The following ADAMTSL4 variants were observed in gnomAD, a reference collection of about 807,000 sequenced individuals.
The protein encoded by ADAMTSL4 is ADAMTS like 4.
In ADAMTSL4, 97 loss-of-function variants were observed where a neutral mutation model predicts 122.8. The observed-to-expected ratio is 0.79, with a 90% CI of 0.67 to 0.93. The LOEUF is 0.93. ADAMTSL4 is among the 40% of genes least tolerant of loss of function. ADAMTSL4 has a pLI of 0.00. For synonymous variants in ADAMTSL4, 592 were observed against 568.0 expected, an observed-to-expected ratio of 1.04 and a Z score of -0.60; for missense variants, 1,408 against 1,453.5, an observed-to-expected ratio of 0.97 and a Z score of 0.51.
chr1:150,556,597 C>G lies in ADAMTSL4; in HGVS notation c.1577-24C>G, dbSNP rs199694520. On this transcript the variant is annotated intron_variant, in intron 9 of 18. Coordinates refer to ENST00000271643, the MANE Select transcript of ADAMTSL4 (RefSeq NM_019032.6). The surrounding 1 kb of genome is among the most constrained non-coding windows in gnomAD (Gnocchi z 4.1). The stretch of plus-strand genomic sequence containing the variant: ...AAGGTATTATCACCCTGGAATTTCC[C>G]GATCTCTCACCTCTGACCCGCAGCA... The G allele has an allele frequency of 2.5e-6, 4 of 1,613,846 alleles. No individual in the cohort carries two copies. The highest frequency in any genetic ancestry group is 2.2e-5 in the East Asian group (1 of 44,866).
In ADAMTSL4 at chr1:150,559,392, C is replaced by T; in HGVS notation, c.2869C>T (p.Pro957Ser). ...VTSPSNCSHL[P>S]RPPALQPCQG... ...TTCTCCGAGCAACTGTTCTCACCTC[C>T]CCAGGCCCCCTGCCCTGCAGCCCTG... Residue 957 changes from proline to serine, a missense_variant, in exon 17 of 19, where the codon CCC (proline) becomes TCC (serine). Physicochemically the swap from Pro to Ser is moderately conservative, Grantham distance 74. Transcript: ENST00000271643. The surrounding 1 kb of genome is among the most constrained non-coding windows in gnomAD (Gnocchi z 4.1). 1.2e-6 allele frequency: 2 copies of T among 1,613,774 alleles called. No individual in the cohort carries two copies. Among genetic ancestry groups the T allele is most frequent in the Non-Finnish European group, 1.7e-6 (2 of 1,180,000 alleles).
rs1672109962 is a variant in ADAMTSL4 at position 150,556,317 on chromosome 1, A to G, written c.1527A>G (p.Gly509=). Residue 509 remains glycine (G), a synonymous_variant, in exon 9 of 19, where the codon GGA becomes GGG. Coordinates refer to ENST00000271643, the MANE Select transcript of ADAMTSL4 (RefSeq NM_019032.6). This position sits in a 1 kb window ranked among gnomAD's most constrained non-coding sequence, Gnocchi z 4.1. ...AGAAGATCTTGTGGATTCCAGCGGG[A>G]GCCTTGCGGCTCCAGATTGCCCAGC... The part of the protein sequence containing the change: ...GYQKILWIPA[G]ALRLQIAQLR... 1 of 1,613,906 alleles carries G rather than the reference A, an allele frequency of 6.2e-7. No homozygotes were observed. The highest frequency in any genetic ancestry group is 1.3e-5 in the African/African-American group (1 of 74,962).
In ADAMTSL4 at chr1:150,558,531, A is replaced by C. The variant is rs587711361; in HGVS notation, c.2441A>C (p.Asn814Thr). ...RSRQVRCVGN[N>T]GDEVSEQECA... ...CGGCAGGTTCGCTGTGTTGGGAACA[A>C]TGGTGATGAAGTGAGCGAGCAGGAG... Residue 814 changes from asparagine (N) to threonine (T), a missense_variant, in exon 15 of 19, where the codon AAT becomes ACT. By Grantham distance (65) the Asn-to-Thr change is moderately conservative. Transcript: ENST00000271643. The C allele has an allele frequency of 1.4e-5, 22 of 1,613,856 alleles. No individual in the cohort carries two copies. The highest frequency in any genetic ancestry group is 1.9e-5 in the Non-Finnish European group (22 of 1,179,984).
rs1359107767 is a variant in ADAMTSL4 at position 150,560,425 on chromosome 1, C to T, written c.*229C>T. ...ATATGCCTCAGGTGTGCTTTTGGGA[C>T]TGCATGGATATGTGTGTGCTCAAAC... On this transcript the variant is annotated 3_prime_UTR_variant, in exon 19 of 19. Coordinates refer to ENST00000271643, the MANE Select transcript of ADAMTSL4 (RefSeq NM_019032.6). The T allele has an allele frequency of 1.6e-6, 1 of 630,880 alleles. No homozygotes were observed. The highest frequency in any genetic ancestry group is 2.7e-6 in the Non-Finnish European group (1 of 366,014). The allele number at this position is 630,880 out of a possible 1,614,324, so 39.1% of individuals were successfully genotyped here. A position where few individuals can be genotyped will look rare whatever the true frequency, so the allele number is the denominator to read the frequency against.
chr1:150,554,520 G>A lies in ADAMTSL4; in HGVS notation c.1234+53G>A, dbSNP rs1671804851. ...GTGGTGGCTTGGAATTGGGGATGAA[G>A]GGGAGAGGAGATACCTGCTTACTCC... On this transcript the variant is annotated intron_variant, in intron 7 of 18. Coordinates refer to ENST00000271643, the MANE Select transcript of ADAMTSL4 (RefSeq NM_019032.6). This position sits in a 1 kb window ranked among gnomAD's most constrained non-coding sequence, Gnocchi z 4.0. 6.2e-7 allele frequency: 1 copy of A among 1,609,938 alleles called. No homozygotes were observed. Among genetic ancestry groups the A allele is most frequent in the Non-Finnish European group, 8.5e-7 (1 of 1,178,102 alleles).
chr1:150,555,662 C>A, intron 8 of ADAMTSL4, 97 bp downstream of exon 8: 1 of 1,531,970 alleles, frequency 6.5e-7, no homozygotes, highest in Non-Finnish European at 8.9e-7. Flanking sequence ...TGTATGAACA[C>A]ATGCACACAT....
intron 2 of ADAMTSL4, chr1:150,551,155 C>T (rs1379413798): frequency 5.4e-6 from 2 of 370,314 alleles, no homozygotes; most frequent in Non-Finnish European, 1.1e-5. Context: ...ATGGACTTCC[C>T]GGCTCTTCAG....
Position 150,558,492 on chromosome 1 carries a change from G to A in ADAMTSL4, c.2402G>A (p.Arg801Gln), listed in dbSNP as rs779947320. 67 of 1,613,574 alleles carry A rather than the reference G, an allele frequency of 4.2e-5. No individual in the cohort carries two copies. Among genetic ancestry groups the A allele is most frequent in the Middle Eastern group, 1.6e-4 (1 of 6,084 alleles). The change falls in exon 15 of 19, where the codon CGG becomes CAG. Residue 801 changes from arginine (R) to glutamine (Q), a missense_variant. Physicochemically the swap from Arg to Gln is conservative, Grantham distance 43 (BLOSUM62 1). Transcript: ENST00000271643. ...CCTCAGTGCTCCGTGCGGTGCGGCC[G>A]GGGCCAGAGAAGCCGGCAGGTTCGC... is the stretch of plus-strand genomic sequence containing the variant. ...PWSQCSVRCG[R>Q]GQRSRQVRCV...
At chr1:150,555,598 CAT>C (rs1313220902) in intron 8 of ADAMTSL4, 33 bp downstream of exon 8, 2 of 1,571,798 alleles carry the variant, frequency 1.3e-6, no homozygotes, top group South Asian at 1.1e-5. Context: ...TGCACACACA[CAT>C]GCATATGCAC....
rs374968441 is a variant in ADAMTSL4, at chr1:150,556,209, C to T, written c.1419C>T (p.Gly473=). ...GILGSGRRPD[G]CGVCGGDDST... is the part of the protein sequence containing the mutation. ...TTGGCTCTGGCAGGCGTCCTGATGG[C>T]TGTGGAGTCTGTGGGGGTGATGATT... The change falls in exon 9 of 19, where the codon GGC becomes GGT. Residue 473 remains glycine (G), a synonymous_variant. Transcript: ENST00000271643. This position sits in a 1 kb window ranked among gnomAD's most constrained non-coding sequence, Gnocchi z 4.1. 58 of 1,614,198 alleles carry T rather than the reference C, an allele frequency of 3.6e-5. No individual in the cohort carries two copies. The highest frequency in any genetic ancestry group is 4.7e-5 in the Non-Finnish European group (56 of 1,180,038).
rs1181417846 is a variant in ADAMTSL4 at position 150,556,512 on chromosome 1, G to A, written c.1577-109G>A. ...AGGAGTGAGGAAGCTGAGAGGGCTT[G>A]GGGGGATCTTAGGTTCTGGTGGGAG... On this transcript the variant is annotated intron_variant, in intron 9 of 18. Coordinates refer to ENST00000271643, the MANE Select transcript of ADAMTSL4 (RefSeq NM_019032.6). The surrounding 1 kb of genome is among the most constrained non-coding windows in gnomAD (Gnocchi z 4.1). 7.0e-6 allele frequency: 11 copies of A among 1,572,670 alleles called. No individual in the cohort carries two copies. Among genetic ancestry groups the A allele is most frequent in the African/African-American group, 1.4e-5 (1 of 74,048 alleles).
Position 150,553,916 on chromosome 1 carries a change from C to T in ADAMTSL4, c.925C>T (p.Arg309Ter), listed in dbSNP as rs1221453238. ...PDPFPSVPRG[R>*]GQQGQGPWGT... ...TCCTTTTCCTTCGGTCCCTCGGGGC[C>T]GAGGCCAGCAGGGCCAAGGGCCTTG... Residue 309 changes from arginine to a stop codon, truncating the protein, a stop_gained, in exon 6 of 19, where the codon CGA (arginine) becomes TGA (stop). Transcript: ENST00000271643. LOFTEE classifies it high-confidence loss of function. 13 of 1,611,928 alleles carry T rather than the reference C, an allele frequency of 8.1e-6. No homozygotes were observed. The highest frequency in any genetic ancestry group is 1.1e-5 in the Non-Finnish European group (13 of 1,179,262).
At position 150,556,703 on chromosome 1, in the gene ADAMTSL4, CG is replaced by C. The variant is rs964738575; in HGVS notation, c.1660del (p.Val554SerfsTer31). ...CTGGGTCCTACAGGGCCGGCGGGAC[CG>C]TCTTTCGATATAACCGTCCTCCCAG... The part of the protein sequence containing the change: ...PPGSYRAGGT[V>X]FRYNRPPREE... On this transcript the variant is annotated frameshift_variant, in exon 10 of 19. Transcript: ENST00000271643. LOFTEE classifies it high-confidence loss of function. The surrounding 1 kb of genome is among the most constrained non-coding windows in gnomAD (Gnocchi z 4.1). 1 of 1,613,858 alleles carries C rather than the reference CG, an allele frequency of 6.2e-7. No individual in the cohort carries two copies. Among genetic ancestry groups the C allele is most frequent in the African/African-American group, 1.3e-5 (1 of 74,856 alleles).
Position 150,556,849 on chromosome 1 carries a change from G to C in ADAMTSL4, c.1749+56G>C, listed in dbSNP as rs2101630285. On this transcript the variant is annotated intron_variant, in intron 10 of 18. Coordinates refer to ENST00000271643, the MANE Select transcript of ADAMTSL4 (RefSeq NM_019032.6). This position sits in a 1 kb window ranked among gnomAD's most constrained non-coding sequence, Gnocchi z 4.1. ...TGGGGAGGGAGGCTGTTCCCTCTGG[G>C]CAGAGCTGTGGTTGTCAAGATGGGA... The C allele has an allele frequency of 6.2e-7, 1 of 1,613,212 alleles. No homozygotes were observed. The highest frequency in any genetic ancestry group is 1.1e-5 in the South Asian group (1 of 91,062).
chr1:150,559,300 G>A lies in ADAMTSL4; in HGVS notation c.2777G>A (p.Cys926Tyr). ...TGPWGECSSE[C>Y]GSGTQRRDII... is the part of the protein sequence containing the mutation. ...CCCCTACACTAGTGCTCCTCCGAAT[G>A]TGGCTCTGGCACACAGCGTAGAGAC... is the stretch of plus-strand genomic sequence containing the variant. The change falls in exon 17 of 19, where the codon TGT (cysteine) becomes TAT (tyrosine). Residue 926 changes from cysteine to tyrosine, a missense_variant. Cys to Tyr is a radical substitution (Grantham distance 194). Coordinates refer to ENST00000271643, the MANE Select transcript of ADAMTSL4 (RefSeq NM_019032.6). This position sits in a 1 kb window ranked among gnomAD's most constrained non-coding sequence, Gnocchi z 4.1. 1 of 1,614,008 alleles carries A rather than the reference G, an allele frequency of 6.2e-7. No homozygotes were observed. Among genetic ancestry groups the A allele is most frequent in the Middle Eastern group, 1.6e-4 (1 of 6,062 alleles).
rs367884759 is a variant in ADAMTSL4, at chr1:150,559,128, A to C, written c.2726A>C (p.Glu909Ala). Residue 909 changes from glutamate (E) to alanine (A), a missense_variant, in exon 16 of 19, where the codon GAG becomes GCG. By Grantham distance (107) the Glu-to-Ala change is moderately radical (BLOSUM62 -1). Coordinates refer to ENST00000271643, the MANE Select transcript of ADAMTSL4 (RefSeq NM_019032.6). The surrounding 1 kb of genome is among the most constrained non-coding windows in gnomAD (Gnocchi z 4.1). Reference protein sequence around the residue: ...DMRACSLGPCERTWRWYTGPW... With the variant: ...DMRACSLGPCARTWRWYTGPW... Reference sequence around the variant, plus strand: ...CGCGCCTGCAGCCTGGGGCCCTGTGAGAGAACTTGGCGCTGGTACACAGGG... The same window carrying C: ...CGCGCCTGCAGCCTGGGGCCCTGTGCGAGAACTTGGCGCTGGTACACAGGG... The C allele has an allele frequency of 6.2e-7, 1 of 1,612,702 alleles. No homozygotes were observed. Among genetic ancestry groups the C allele is most frequent in the South Asian group, 1.1e-5 (1 of 91,040 alleles).
rs1672368540 is a variant in ADAMTSL4, at chr1:150,557,979, T to C, written c.2212T>C (p.Ser738Pro). Residue 738 changes from serine to proline, a missense_variant, in exon 14 of 19, where the codon TCC (serine) becomes CCC (proline). By Grantham distance (74) the Ser-to-Pro change is moderately conservative (BLOSUM62 -1). Coordinates refer to ENST00000271643, the MANE Select transcript of ADAMTSL4 (RefSeq NM_019032.6). ...EAGEWTSCSR[S>P]CGPGTQHRQL... The stretch of plus-strand genomic sequence containing the variant: ...TGGCGAGTGGACATCCTGCAGCCGC[T>C]CCTGTGGCCCCGGCACCCAGCACCG... 3 of 1,610,826 alleles carry C rather than the reference T, an allele frequency of 1.9e-6. No individual in the cohort carries two copies. The East Asian group carries it at 6.7e-5, about 36-fold the overall frequency.
In ADAMTSL4 at chr1:150,559,661, G is replaced by T. The variant is rs1672581568; in HGVS notation, c.2944-100G>T. 6.3e-7 allele frequency: 1 copy of T among 1,597,486 alleles called. No individual in the cohort carries two copies. Among genetic ancestry groups the T allele is most frequent in the African/African-American group, 1.3e-5 (1 of 74,804 alleles). On this transcript the variant is annotated intron_variant, in intron 17 of 18. Coordinates refer to ENST00000271643, the MANE Select transcript of ADAMTSL4 (RefSeq NM_019032.6). This position sits in a 1 kb window ranked among gnomAD's most constrained non-coding sequence, Gnocchi z 4.1. The stretch of plus-strand genomic sequence containing the variant: ...TTGGGATTTCACAATGTCCTAGGAG[G>T]GTCCCCACCACCACCTTTTGGGGAG...
chr1:150,555,311 T>G, intron 7 of ADAMTSL4, 118 bp from the exon 8 acceptor site: 1 of 1,318,314 alleles, frequency 7.6e-7, no homozygotes, highest in Non-Finnish European at 1.1e-6. Flanking sequence ...CTTGTGCTGT[T>G]GTCACATTTC....
Sources: allele counts gnomAD v4.1 joint callset, GRCh38; gene constraint gnomAD v4.1.1; non-coding constraint Gnocchi (gnomAD v3.1); transcripts MANE v1.5; gene names NCBI Gene and HGNC (gene_info 2026-07-23, HGNC 2026-07-21).